Variants in KIF27 observed in about 807,000 individuals in gnomAD.
KIF27 encodes the protein kinesin family member 27.
In KIF27, 84 loss-of-function variants were observed where a neutral mutation model predicts 141.8. That is an observed-to-expected ratio of 0.59 (90% CI 0.50 to 0.71). The LOEUF (loss-of-function observed/expected upper bound fraction) is 0.71. KIF27 is among the 30% of genes least tolerant of loss of function. The pLI is 0.00. For missense variants in KIF27, 1,306 were observed against 1,628.4 expected, an observed-to-expected ratio of 0.80 and a Z score of 3.41; for synonymous variants, 471 against 569.5, an observed-to-expected ratio of 0.83 and a Z score of 2.46.
intron 2 of KIF27, among the ~76,000 whole-genome samples, chr9:83,913,933 T>C (rs1316257709): frequency 6.6e-6 from 1 of 152,098 alleles, no homozygotes; most frequent in Non-Finnish European, 1.5e-5. Flanking sequence ...AATAAATATT[T>C]CTTTAATTTA....
chr9:83,881,737 T>A (rs2132220591), intron 10 of KIF27, among the ~76,000 whole-genome samples: 1 of 152,364 alleles, frequency 6.6e-6, no homozygotes, highest in East Asian at 1.9e-4. Context: ...GCTTTGCCAC[T>A]TACAATTGAC....
chr9:83,851,116 G>A (rs113571296), intron 15 of KIF27, among the ~76,000 whole-genome samples: 14 of 151,994 alleles, frequency 9.2e-5, no homozygotes, highest in South Asian at 6.2e-4. Flanking sequence ...GATTACAGGC[G>A]TGAGCCACCA....
chr9:83,884,025 C>A lies in KIF27; in HGVS notation c.2240-7G>T. ...ACAGACTTGGCATCATTACCTTAAC[C>A]GTAATAATAATTATTATTAGTATAA... On this transcript the variant is annotated splice_polypyrimidine_tract_variant and splice_region_variant and intron_variant, in intron 9 of 17. Coordinates refer to ENST00000297814, the MANE Select transcript of KIF27 (RefSeq NM_017576.4). The A allele has an allele frequency of 1.3e-6, 2 of 1,530,222 alleles. No homozygotes were observed. Among genetic ancestry groups the A allele is most frequent in the East Asian group, 2.3e-5 (1 of 44,038 alleles). 94.8% of individuals were successfully genotyped at this position (1,530,222 alleles called of 1,614,324 possible). A position where few individuals can be genotyped will look rare whatever the true frequency, so the allele number is the denominator to read the frequency against.
At chr9:83,920,129 G>A (rs564533096) in intron 1 of KIF27, among the ~76,000 whole-genome samples, 1 of 152,274 alleles carries the variant, frequency 6.6e-6, no homozygotes, top group East Asian at 1.9e-4. Context: ...TACTTGGGAG[G>A]CTGAGATTGG....
intron 2 of KIF27, among the ~76,000 whole-genome samples, chr9:83,909,645 T>C (rs1015396780): frequency 5.0e-5 from 7 of 140,584 alleles, no homozygotes; most frequent in Non-Finnish European, 1.1e-4. Context: ...AATAAGAAAA[T>C]ATATTTGAAA....
intron 13 of KIF27, chr9:83,863,593 G>A (rs912389179): frequency 1.8e-4 from 28 of 152,186 alleles, no homozygotes; most frequent in African/African-American, 6.5e-4. Context: ...TTTTATTGAT[G>A]ATTTTTGCAT....
chr9:83,880,512 ATTTC>A lies in KIF27; in HGVS notation c.2446-22_2446-19del. On this transcript the variant is annotated intron_variant, in intron 10 of 17. Transcript: ENST00000297814. ...TGCAAGACCTGAGATCATATGGAATATTTCAAAATGAAAAACTGAATCTCTCACA... is the reference window on the plus strand; with the variant it reads ...TGCAAGACCTGAGATCATATGGAATAAAAATGAAAAACTGAATCTCTCACA... The A allele has an allele frequency of 6.4e-7, 1 of 1,573,916 alleles. No homozygotes were observed. Among genetic ancestry groups the A allele is most frequent in the Admixed American group, 1.8e-5 (1 of 55,968 alleles).
chr9:83,848,458 CTA>C (rs908985955), intron 16 of KIF27, among the ~76,000 whole-genome samples: 10 of 139,144 alleles, frequency 7.2e-5, no homozygotes, highest in South Asian at 2.2e-4. Flanking sequence ...ATGTATATAT[CTA>C]TATCTATATG....
intron 3 of KIF27, among the ~76,000 whole-genome samples, chr9:83,906,332 A>G (rs1164822322): frequency 6.6e-6 from 1 of 152,188 alleles, no homozygotes; most frequent in African/African-American, 2.4e-5. Flanking sequence ...ATAGCCTGCT[A>G]TTTGAATGAC....
rs1310243615 is a variant in KIF27 at position 83,876,587 on chromosome 9, T to C, written c.2643+3710A>G. Among the ~76,000 whole-genome samples, 3 of 152,296 alleles carry C rather than the reference T, an allele frequency of 2.0e-5. No homozygotes were observed. The South Asian group carries it at 6.2e-4, about 32-fold the overall frequency. ...ATCCTCAAATTCACATGGAAAACTGTAGGGGCTCTGAAGAGCCAAAATCAT... is the reference window on the plus strand; with the variant it reads ...ATCCTCAAATTCACATGGAAAACTGCAGGGGCTCTGAAGAGCCAAAATCAT... On this transcript the variant is annotated intron_variant, in intron 11 of 17. Coordinates refer to ENST00000297814, the MANE Select transcript of KIF27 (RefSeq NM_017576.4).
chr9:83,866,699 A>C (rs1386565842), intron 13 of KIF27, among the ~76,000 whole-genome samples: 1 of 152,062 alleles, frequency 6.6e-6, no homozygotes, highest in Non-Finnish European at 1.5e-5. Context: ...AATATGGTGA[A>C]ACCCAGTCTC....
chr9:83,870,419 G>A (rs1184436645), intron 12 of KIF27, 100 bp downstream of exon 12: 31 of 1,511,424 alleles, frequency 2.1e-5, no homozygotes, highest in East Asian at 1.7e-4. Flanking sequence ...CACCCACCTC[G>A]GCGTCCCAAA....
chr9:83,890,616 A>G (rs2780181), intron 6 of KIF27, among the ~76,000 whole-genome samples: 25,258 of 152,126 alleles, frequency 0.17, 2,335 homozygotes, highest in African/African-American at 0.23. Context: ...AAAGTCCATG[A>G]CACTGCTCAT....
Position 83,834,569 on chromosome 9 carries a change from T to C in KIF27, c.*2432A>G, listed in dbSNP as rs1945594906. Among the ~76,000 whole-genome samples the C allele has an allele frequency of 6.6e-6, 1 of 152,028 alleles. No individual in the cohort carries two copies. The highest frequency in any genetic ancestry group is 2.1e-4 in the South Asian group (1 of 4,830). On this transcript the variant is annotated 3_prime_UTR_variant, in exon 18 of 18. Transcript: ENST00000297814. ...AGTGAGTTGGCTTTGAGGAAATGTG[T>C]ATTTCCACAGGTAAAACAAGTATGT...
At chr9:83,911,064 T>A (rs1955104613) in intron 2 of KIF27, among the ~76,000 whole-genome samples, 2 of 152,122 alleles carry the variant, frequency 1.3e-5, no homozygotes, top group African/African-American at 4.8e-5. Flanking sequence ...CACTTCTTTT[T>A]TTCTTTTCTT....
chr9:83,898,130 G>C (rs1232249907), intron 5 of KIF27, among the ~76,000 whole-genome samples: 2 of 151,970 alleles, frequency 1.3e-5, no homozygotes, highest in African/African-American at 2.4e-5. Flanking sequence ...TGCACCGAGA[G>C]ACACTGAAAA....
chr9:83,860,883 A>ATT (rs10648187), intron 13 of KIF27, among the ~76,000 whole-genome samples: 20,253 of 142,792 alleles, frequency 0.14, 1,479 homozygotes, highest in African/African-American at 0.18. Context: ...TTGATGGGAG[A>ATT]TTTTTTTTTT....
At position 83,835,345 on chromosome 9, in the gene KIF27, C is replaced by T. The variant is rs1275975749; in HGVS notation, c.*1656G>A. ...ACCAGAATCTGACTTCAAACAGTTC[C>T]TGGTAAAAATAAAATTTCCCAGTTA... On this transcript the variant is annotated 3_prime_UTR_variant, in exon 18 of 18. Coordinates refer to ENST00000297814, the MANE Select transcript of KIF27 (RefSeq NM_017576.4). Among the ~76,000 whole-genome samples, 1 of 151,660 alleles carries T rather than the reference C, an allele frequency of 6.6e-6. No individual in the cohort carries two copies. Among genetic ancestry groups the T allele is most frequent in the Non-Finnish European group, 1.5e-5 (1 of 67,912 alleles).
chr9:83,840,045 CAG>C (rs1267094003), intron 17 of KIF27, among the ~76,000 whole-genome samples: 4 of 152,274 alleles, frequency 2.6e-5, no homozygotes, highest in South Asian at 2.1e-4. Context: ...TTATGAAACT[CAG>C]AGTTTGATAT....
Sources: allele counts gnomAD v4.1 joint callset (sites outside exome capture counted in the v4.1 genomes callset), GRCh38; gene constraint gnomAD v4.1.1; transcripts MANE v1.5; gene names NCBI Gene and HGNC (gene_info 2026-07-23, HGNC 2026-07-21).